GABPB1: variants seen among roughly 807,000 people sequenced by gnomAD.
GABPB1 encodes the protein GA-binding protein subunit beta-1.
GABPB1 carries 15 observed loss-of-function variants against 45.9 expected under a neutral mutation model. The ratio of observed to expected loss-of-function variants is 0.33; its 90% CI spans 0.22 to 0.50. The LOEUF (loss-of-function observed/expected upper bound fraction) is 0.50. Ranked by LOEUF, GABPB1 falls within the 20% of genes least tolerant of loss-of-function variation. The pLI is 0.98. For synonymous variants in GABPB1, 143 were observed against 154.4 expected, an observed-to-expected ratio of 0.93 and a Z score of 0.55; for missense variants, 252 against 457.5, an observed-to-expected ratio of 0.55 and a Z score of 4.10.
chr15:50,338,663 G>A (rs570902029), intron 1 of GABPB1, among the ~76,000 whole-genome samples: 8 of 151,950 alleles, frequency 5.3e-5, no homozygotes, highest in African/African-American at 1.4e-4. Flanking sequence ...TTGTAGAGAC[G>A]GGGCTTCACC....
chr15:50,354,292 C>T (rs1463594086), intron 1 of GABPB1: 1 of 436,208 alleles, frequency 2.3e-6, no homozygotes, highest in African/African-American at 2.1e-5. Context: ...GCCTTCAGAA[C>T]GGCAGGCTTC....
At chr15:50,333,563 T>C (rs1367266945) in intron 1 of GABPB1, among the ~76,000 whole-genome samples, 2 of 152,232 alleles carry the variant, frequency 1.3e-5, no homozygotes, top group Admixed American at 1.3e-4. Context: ...CTGCTTTAAA[T>C]GATCTTTCAT....
chr15:50,307,994 A>T (rs2047004836), intron 2 of GABPB1, among the ~76,000 whole-genome samples: 2 of 151,588 alleles, frequency 1.3e-5, no homozygotes, highest in Non-Finnish European at 2.9e-5. Context: ...TATCTGTGAC[A>T]TAGTCTGGAT....
chr15:50,344,564 A>C lies in GABPB1; in HGVS notation c.-1+10421T>G, dbSNP rs142157481. Among the ~76,000 whole-genome samples the C allele has an allele frequency of 4.6e-5, 7 of 152,186 alleles. No individual in the cohort carries two copies. The East Asian group carries it at 1.4e-3, about 29-fold the overall frequency. On this transcript the variant is annotated intron_variant, in intron 1 of 8. Transcript: ENST00000380877. ...ACAAACTGGGAGCCAATAAAGAGTA[A>C]AAAACTGTGCTCACGCCTGTAACGC...
At chr15:50,286,324 T>G in intron 7 of GABPB1, 141 bp from the exon 8 acceptor site, 1 of 572,860 alleles carries the variant, frequency 1.7e-6, no homozygotes, top group East Asian at 3.3e-5. Context: ...ATTTGCTTTT[T>G]ATGAGACTAT....
chr15:50,340,537 C>T (rs1188730459), intron 1 of GABPB1, among the ~76,000 whole-genome samples: 3 of 98,908 alleles, frequency 3.0e-5, no homozygotes, highest in Non-Finnish European at 5.5e-5. Flanking sequence ...TCCAGTATTT[C>T]TATAATCACC....
At chr15:50,282,917 T>C (rs1004415033) in intron 8 of GABPB1, among the ~76,000 whole-genome samples, 6 of 152,134 alleles carry the variant, frequency 3.9e-5, no homozygotes, top group African/African-American at 1.4e-4. Flanking sequence ...TACCCAGGCA[T>C]GGTGATGCAT....
At chr15:50,296,255 G>A (rs1266815590) in intron 6 of GABPB1, among the ~76,000 whole-genome samples, 1 of 152,080 alleles carries the variant, frequency 6.6e-6, no homozygotes, top group Non-Finnish European at 1.5e-5. Context: ...ATATGAGCAG[G>A]AACAATGAGT....
chr15:50,321,127 C>T (rs969292346), intron 1 of GABPB1, among the ~76,000 whole-genome samples: 2 of 152,114 alleles, frequency 1.3e-5, no homozygotes, highest in Non-Finnish European at 2.9e-5. Flanking sequence ...TTTAATTTTT[C>T]ACCTTTACAA....
chr15:50,300,949 C>A, intron 5 of GABPB1, 47 bp from the exon 6 acceptor site: 1 of 1,130,026 alleles, frequency 8.8e-7, no homozygotes, highest in Non-Finnish European at 1.3e-6. Context: ...GAGCTTAATC[C>A]AATGCATATT....
chr15:50,348,978 C>T (rs2048715253), intron 1 of GABPB1: 1 of 151,968 alleles, frequency 6.6e-6, no homozygotes. Flanking sequence ...TTACCATGCA[C>T]TATAAAACTA....
intron 1 of GABPB1, among the ~76,000 whole-genome samples, chr15:50,342,995 G>A (rs1350002767): frequency 1.3e-5 from 2 of 152,158 alleles, no homozygotes; most frequent in African/African-American, 4.8e-5. Flanking sequence ...CGCCTCCCGG[G>A]TTCACGCCAT....
intron 1 of GABPB1, among the ~76,000 whole-genome samples, chr15:50,333,610 A>C (rs2141131788): frequency 6.6e-6 from 1 of 152,318 alleles, no homozygotes; most frequent in African/African-American, 2.4e-5. Flanking sequence ...TTTATCTGAA[A>C]ATATCCTTAT....
chr15:50,328,040 T>TAATAACCTAAGTG (rs2047829182), intron 1 of GABPB1, among the ~76,000 whole-genome samples: 1 of 151,746 alleles, frequency 6.6e-6, no homozygotes, highest in Non-Finnish European at 1.5e-5. Context: ...AAAAAAGAAA[T>TAATAACCTAAGTG]TCCAAATAAC....
chr15:50,284,857 T>C (rs2046101787), intron 8 of GABPB1, among the ~76,000 whole-genome samples: 1 of 152,180 alleles, frequency 6.6e-6, no homozygotes, highest in Non-Finnish European at 1.5e-5. Context: ...AAATTGTTAG[T>C]TTGTGAATAA....
chr15:50,347,741 T>A (rs572144028), intron 1 of GABPB1, among the ~76,000 whole-genome samples: 1 of 152,212 alleles, frequency 6.6e-6, no homozygotes, highest in South Asian at 2.1e-4. Context: ...CACAGTGTCA[T>A]CTACCCACCT....
In GABPB1 at chr15:50,300,769, A is replaced by T; in HGVS notation, c.697+20T>A. On this transcript the variant is annotated intron_variant, in intron 6 of 8. Coordinates refer to ENST00000380877, the MANE Select transcript of GABPB1 (RefSeq NM_016654.5). ...CTGAATCTGCAATTTTAATGTACAC[A>T]TTAGACTCGTTTTTCTAACCTGGAG... 6.8e-7 allele frequency: 1 copy of T among 1,471,320 alleles called. No individual in the cohort carries two copies. The highest frequency in any genetic ancestry group is 9.5e-7 in the Non-Finnish European group (1 of 1,050,154). 91.1% of individuals were successfully genotyped at this position (1,471,320 alleles called of 1,614,324 possible). A position where few individuals can be genotyped will look rare whatever the true frequency, so the allele number is the denominator to read the frequency against.
intron 1 of GABPB1, among the ~76,000 whole-genome samples, chr15:50,328,051 C>T (rs1264913902): frequency 2.0e-5 from 3 of 151,452 alleles, no homozygotes; most frequent in African/African-American, 4.9e-5. Flanking sequence ...TCCAAATAAC[C>T]TAAGTGTCTA....
At chr15:50,330,996 C>G (rs1014205631) in intron 1 of GABPB1, among the ~76,000 whole-genome samples, 2 of 152,152 alleles carry the variant, frequency 1.3e-5, no homozygotes, top group African/African-American at 2.4e-5. Context: ...AAAGGCCTCT[C>G]TGAGGAGGTG....
Sources: allele counts gnomAD v4.1 joint callset (sites outside exome capture counted in the v4.1 genomes callset), GRCh38; gene constraint gnomAD v4.1.1; transcripts MANE v1.5; gene names NCBI Gene and HGNC (gene_info 2026-07-23, HGNC 2026-07-21).